Variants in PRSS38 observed in about 807,000 individuals in gnomAD.
PRSS38 encodes marapsin 2.
Under a neutral mutation model 26.8 loss-of-function variants are expected in PRSS38, and 22 were observed. The observed-to-expected ratio is 0.82, with a 90% CI of 0.59 to 1.17. The LOEUF is 1.17. Ranked by LOEUF, PRSS38 falls within the 50% of genes most tolerant of loss-of-function variation. PRSS38 has a pLI of 0.00. For synonymous variants in PRSS38, 175 were observed against 172.1 expected (o/e 1.02, Z -0.13); for missense variants, 427 against 422.7 (o/e 1.01, Z -0.09).
chr1:227,846,052 T>C (rs775449986), exon 5 of PRSS38: 5 of 1,614,102 alleles, frequency 3.1e-6, no homozygotes, highest in Non-Finnish European at 4.2e-6. Context: ...CTCTGTACCC[T>C]GGAGTGTATG....
intron 3 of PRSS38, among the ~76,000 whole-genome samples, chr1:227,837,027 G>C (rs1665246789): frequency 6.6e-6 from 1 of 152,174 alleles, no homozygotes; most frequent in Admixed American, 6.5e-5. Flanking sequence ...GTCTTGCTCT[G>C]TCACCCAGGC....
At chr1:227,837,880 A>G (rs1442961062) in intron 3 of PRSS38, among the ~76,000 whole-genome samples, 3 of 151,872 alleles carry the variant, frequency 2.0e-5, no homozygotes, top group African/African-American at 4.8e-5. Flanking sequence ...TATTGCAAAT[A>G]TTTTCTACCG....
exon 4 of PRSS38, chr1:227,845,546 C>T: frequency 1.2e-6 from 2 of 1,613,708 alleles, no homozygotes; most frequent in Non-Finnish European, 1.7e-6. Context: ...TCTACGGACA[C>T]ATGTCCTACA....
chr1:227,839,183 G>C (rs1227082320), intron 3 of PRSS38, among the ~76,000 whole-genome samples: 4 of 152,236 alleles, frequency 2.6e-5, no homozygotes, highest in African/African-American at 9.7e-5. Flanking sequence ...AACTGAGCCA[G>C]GTGCAGTGGT....
chr1:227,840,804 T>G (rs1400761471), intron 3 of PRSS38, among the ~76,000 whole-genome samples: 1 of 152,200 alleles, frequency 6.6e-6, no homozygotes, highest in East Asian at 1.9e-4. Flanking sequence ...GGAAGTCACC[T>G]TGCAAAGTCT....
chr1:227,832,349 T>C (rs933230061), intron 3 of PRSS38, among the ~76,000 whole-genome samples: 1 of 152,246 alleles, frequency 6.6e-6, no homozygotes, highest in African/African-American at 2.4e-5. Context: ...AAATGTTTTC[T>C]ATATACCTAT....
At position 227,846,387 on chromosome 1, in the gene PRSS38, G is replaced by T. The variant is rs567644393; in HGVS notation, c.*179G>T. 1.0e-5 allele frequency: 8 copies of T among 768,206 alleles called. No homozygotes were observed. In the African/African-American group the frequency reaches 1.4e-4, roughly 13 times the overall value. The allele number at this position is 768,206 out of a possible 1,614,324, so 47.6% of individuals were successfully genotyped here. A position where few individuals can be genotyped will look rare whatever the true frequency, so the allele number is the denominator to read the frequency against. ...AAGTGTACAAAAGAAAAAAGGGAAG[G>T]GGGAGAGGGGCTGGTCAGGGAGAAC... On this transcript the variant is annotated 3_prime_UTR_variant, in exon 5 of 5. Transcript: ENST00000366757.
intron 2 of PRSS38, 99 bp from the exon 3 acceptor site, chr1:227,817,110 A>T: frequency 7.8e-7 from 1 of 1,288,176 alleles, no homozygotes. Flanking sequence ...TTTCAATCCC[A>T]CCGAGTGAGT....
At chr1:227,841,391 G>A (rs571767659) in intron 3 of PRSS38, among the ~76,000 whole-genome samples, 2 of 152,256 alleles carry the variant, frequency 1.3e-5, no homozygotes, top group Non-Finnish European at 2.9e-5. Context: ...CTGGTGAAAT[G>A]TGACACCGCA....
intron 3 of PRSS38, 34 bp from the exon 4 acceptor site, chr1:227,845,436 G>A (rs771808566): frequency 1.9e-6 from 3 of 1,576,510 alleles, no homozygotes; most frequent in African/African-American, 1.3e-5. Flanking sequence ...CACGAAGCAG[G>A]TGCTGCCCCC....
chr1:227,817,260 G>A, exon 3 of PRSS38: 3 of 1,614,144 alleles, frequency 1.9e-6, no homozygotes, highest in Non-Finnish European at 2.5e-6. Flanking sequence ...TAAACCTCAG[G>A]GTGGCCGGCA....
chr1:227,844,789 A>G (rs2102687268), intron 3 of PRSS38, among the ~76,000 whole-genome samples: 1 of 134,680 alleles, frequency 7.4e-6, no homozygotes, highest in Middle Eastern at 6.3e-3. Flanking sequence ...CTGAGTGTTC[A>G]GGGTTCCTCC....
intron 3 of PRSS38, among the ~76,000 whole-genome samples, chr1:227,822,613 T>C (rs1320065432): frequency 6.6e-6 from 1 of 152,248 alleles, no homozygotes; most frequent in Non-Finnish European, 1.5e-5. Context: ...TCCTTTCTCA[T>C]GTGTGGTCAC....
intron 3 of PRSS38, among the ~76,000 whole-genome samples, chr1:227,824,231 C>A (rs942413050): frequency 1.3e-5 from 2 of 152,128 alleles, no homozygotes; most frequent in South Asian, 2.1e-4. Flanking sequence ...CTCTATCCCC[C>A]CAAACAGGCC....
chr1:227,845,523 T>A (rs769087934), exon 4 of PRSS38: 4 of 1,613,496 alleles, frequency 2.5e-6, no homozygotes, highest in African/African-American at 1.3e-5. Flanking sequence ...CCTGGAGCCC[T>A]GGTGCCACCT....
intron 3 of PRSS38, among the ~76,000 whole-genome samples, chr1:227,821,459 T>A (rs1000030476): frequency 1.3e-5 from 2 of 152,212 alleles, no homozygotes; most frequent in Admixed American, 1.3e-4. Context: ...GGCTTTGACT[T>A]ACTGTTTTGT....
intron 3 of PRSS38, among the ~76,000 whole-genome samples, chr1:227,826,237 A>C (rs10916223): frequency 0.8 from 122,406 of 152,076 alleles, 49,358 homozygotes; most frequent in East Asian, 0.88. Context: ...ATTTTATATC[A>C]TGAGACTTTG....
At position 227,816,769 on chromosome 1, in the gene PRSS38, C is replaced by T. The variant is rs747781630; in HGVS notation, c.312-440C>T. ...AGGTCCCACAAAAGTGAGGCTGCTC[C>T]TCAAGTGCACAGCCAGGTCCTCATA... On this transcript the variant is annotated intron_variant, in intron 2 of 4. Coordinates refer to ENST00000366757, the Ensembl canonical transcript of PRSS38. The surrounding 1 kb of genome is among the most constrained non-coding windows in gnomAD (Gnocchi z 5.1). Among the ~76,000 whole-genome samples, 2 of 152,214 alleles carry T rather than the reference C, an allele frequency of 1.3e-5. No individual in the cohort carries two copies. The highest frequency in any genetic ancestry group is 2.9e-5 in the Non-Finnish European group (2 of 68,054).
At position 227,817,496 on chromosome 1, in the gene PRSS38, A is replaced by G. The variant is rs764341342; in HGVS notation, c.583+16A>G. On this transcript the variant is annotated intron_variant, in intron 3 of 4. Transcript: ENST00000366757. ...TCAAAACAAGGTAGGAATACAGTGC[A>G]GGGCTTTGTGGGCAGGATGAAGGCT... 10 of 1,611,678 alleles carry G rather than the reference A, an allele frequency of 6.2e-6. No individual in the cohort carries two copies. The highest frequency in any genetic ancestry group is 8.5e-6 in the Non-Finnish European group (10 of 1,177,966).
Sources: gnomAD v4.1 joint callset for allele counts (sites outside exome capture counted in the v4.1 genomes callset) on GRCh38, gnomAD v4.1.1 for gene constraint, Gnocchi (gnomAD v3.1) non-coding constraint, MANE v1.5 for transcripts, NCBI Gene and HGNC (gene_info 2026-07-23, HGNC 2026-07-21) for gene names.